Variants in PDE8B observed in about 807,000 individuals in gnomAD.
The protein encoded by PDE8B is phosphodiesterase 8B.
In PDE8B, 26 loss-of-function variants were observed where a neutral mutation model predicts 101.3. The observed-to-expected ratio is 0.26, with a 90% confidence interval of 0.19 to 0.36. PDE8B has a LOEUF of 0.36. Among genes scored for constraint, PDE8B ranks in the 10% least tolerant of loss-of-function variants. PDE8B has a pLI of 1.00. For missense variants in PDE8B, 810 were observed against 1,163.1 expected, an observed-to-expected ratio of 0.70 and a Z score of 4.42; for synonymous variants, 424 against 429.3, an observed-to-expected ratio of 0.99 and a Z score of 0.15.
At chr5:77,168,269 G>C in the PDE8B span, among the ~76,000 whole-genome samples, 1 of 152,230 alleles carries the variant, frequency 6.6e-6, no homozygotes, top group African/African-American at 2.4e-5. Context: ...TGAGAAGTCA[G>C]AGCTGGAAGC....
the PDE8B span, among the ~76,000 whole-genome samples, chr5:77,094,369 G>T: frequency 6.6e-6 from 1 of 152,092 alleles, no homozygotes; most frequent in Admixed American, 6.5e-5. Context: ...GGGTGCAGTT[G>T]TGTAATCATG....
In PDE8B at chr5:77,428,152, A is replaced by G. The variant is rs1798474038; in HGVS notation, c.*1598A>G. ...ATGCTATATTATGTAAATGTGATGA[A>G]AATGTTTTTGTGAAGTACTTGTAAC... On this transcript the variant is annotated 3_prime_UTR_variant, in exon 22 of 22. Coordinates refer to ENST00000264917, the MANE Select transcript of PDE8B (RefSeq NM_003719.5). 6.6e-6 allele frequency: 1 copy of G among 152,204 alleles called. No homozygotes were observed. The allele number at this position is 152,204 out of a possible 1,614,324, so 9.4% of individuals were successfully genotyped here. A position where few individuals can be genotyped will look rare whatever the true frequency, so the allele number is the denominator to read the frequency against.
the PDE8B span, among the ~76,000 whole-genome samples, chr5:77,125,600 A>G: frequency 8.4e-4 from 128 of 152,372 alleles, no homozygotes; most frequent in African/African-American, 1.7e-3. Context: ...ATACACATAC[A>G]ATGGAATATT....
rs1794028811 is a variant in PDE8B at position 77,408,971 on chromosome 5, T to G, written c.1444T>G (p.Leu482Val). ...AEALDRVLEI[L>V]RTTELYSPQL... is the part of the protein sequence containing the mutation. ...AGCCTTGGACAGAGTTCTAGAGATTTTACGGACCACAGAACTGTACTCCCC... is the reference window on the plus strand; with the variant it reads ...AGCCTTGGACAGAGTTCTAGAGATTGTACGGACCACAGAACTGTACTCCCC... The change falls in exon 14 of 22, where the codon TTA becomes GTA. Residue 482 changes from leucine to valine, a missense_variant. By Grantham distance (32) the Leu-to-Val change is conservative (BLOSUM62 1). Coordinates refer to ENST00000264917, the MANE Select transcript of PDE8B (RefSeq NM_003719.5). The G allele has an allele frequency of 3.7e-6, 6 of 1,613,074 alleles. No homozygotes were observed. The highest frequency in any genetic ancestry group is 4.2e-6 in the Non-Finnish European group (5 of 1,179,084).
At chr5:77,276,107 A>G (rs1215996525) in intron 1 of PDE8B, among the ~76,000 whole-genome samples, 1 of 152,238 alleles carries the variant, frequency 6.6e-6, no homozygotes, top group Non-Finnish European at 1.5e-5. Flanking sequence ...CTTTAGAAGA[A>G]CTTAGTACAA....
rs1254381323 is a variant in PDE8B at position 77,210,714 on chromosome 5, G to A, written c.-212G>A. ...CGCTCCCCCGCTCGGGGAGGAAGAT[G>A]GCCCAAAAGGGAAAGTTGGGGTGAC... On this transcript the variant is annotated 5_prime_UTR_variant, in exon 1 of 22. The change abolishes an upstream ATG in the 5' untranslated region. Transcript: ENST00000264917. The surrounding 1 kb of genome is among the most constrained non-coding windows in gnomAD (Gnocchi z 4.9). 1 of 980,886 alleles carries A rather than the reference G, an allele frequency of 1.0e-6. No homozygotes were observed. The highest frequency in any genetic ancestry group is 1.2e-4 in the East Asian group (1 of 8,674). The allele number at this position is 980,886 out of a possible 1,614,324, so 60.8% of individuals were successfully genotyped here.
At chr5:77,351,219 C>A in intron 9 of PDE8B, 66 bp downstream of exon 9, 1 of 1,137,292 alleles carries the variant, frequency 8.8e-7, no homozygotes, top group Non-Finnish European at 1.3e-6. Context: ...GGGCATTGGG[C>A]TTGAAATGCC....
chr5:77,101,043 C>G, the PDE8B span, among the ~76,000 whole-genome samples: 9 of 147,912 alleles, frequency 6.1e-5, no homozygotes, highest in African/African-American at 2.3e-4. Context: ...AATCATAGCC[C>G]ATTGCAGCCT....
rs1234322626 is a variant in PDE8B, at chr5:77,259,066, A to AC, written c.339+47803dup. On this transcript the variant is annotated intron_variant, in intron 1 of 21. Coordinates refer to ENST00000264917, the MANE Select transcript of PDE8B (RefSeq NM_003719.5). ...CACACACAGACACACACACACACAC[A>AC]CACCCCCGCCCCCCCCCCACACACA... Among the ~76,000 whole-genome samples the AC allele has an allele frequency of 7.0e-4, 45 of 64,742 alleles. 4 individuals are homozygous for AC. The highest frequency in any genetic ancestry group is 7.5e-4 in the Non-Finnish European group (24 of 32,084). The allele number at this position is 64,742 out of a possible 152,430, so 42.5% of individuals were successfully genotyped here. A position where few individuals can be genotyped will look rare whatever the true frequency, so the allele number is the denominator to read the frequency against.
intron 1 of PDE8B, among the ~76,000 whole-genome samples, chr5:77,266,916 G>A (rs897077911): frequency 7.9e-5 from 12 of 151,790 alleles, no homozygotes; most frequent in East Asian, 1.9e-4. Context: ...ATATTATTAG[G>A]TGTTGAACTG....
rs1379553543 is a variant in PDE8B, at chr5:77,349,528, A to G, written c.986A>G (p.Asp329Gly). 1.2e-6 allele frequency: 2 copies of G among 1,614,090 alleles called. No homozygotes were observed. The highest frequency in any genetic ancestry group is 2.7e-5 in the African/African-American group (2 of 74,922). The change falls in exon 8 of 22, where the codon GAC becomes GGC. Residue 329 changes from aspartate to glycine, a missense_variant. By Grantham distance (94) the Asp-to-Gly change is moderately conservative. This residue lies in a region of PDE8B where 251 missense variants were observed against 378.8 expected (regional missense o/e 0.66). Coordinates refer to ENST00000264917, the MANE Select transcript of PDE8B (RefSeq NM_003719.5). ...KSDKNRADLLDTINTCIKKGK... is the reference protein window; with the variant it reads ...KSDKNRADLLGTINTCIKKGK... ...GATAAGAACCGGGCAGACCTTCTCG[A>G]CACCATCAATACATGCATCAAGAAG...
chr5:77,197,853 T>A, the PDE8B span, among the ~76,000 whole-genome samples: 1 of 151,130 alleles, frequency 6.6e-6, no homozygotes, highest in Non-Finnish European at 1.5e-5. Flanking sequence ...GATTCTTTTT[T>A]AATATTTTCC....
chr5:77,388,728 C>G (rs1554095829), intron 10 of PDE8B, among the ~76,000 whole-genome samples: 1 of 152,176 alleles, frequency 6.6e-6, no homozygotes, highest in Non-Finnish European at 1.5e-5. Context: ...ATCTATAAGT[C>G]CCTGACTGGG....
intron 17 of PDE8B, among the ~76,000 whole-genome samples, chr5:77,416,429 G>A (rs1436772972): frequency 3.9e-5 from 6 of 152,180 alleles, no homozygotes; most frequent in Admixed American, 3.9e-4. Flanking sequence ...GGGCTGTCCT[G>A]GGTCCTGAGC....
chr5:77,270,174 T>C (rs1270269631), intron 1 of PDE8B, among the ~76,000 whole-genome samples: 1 of 152,218 alleles, frequency 6.6e-6, no homozygotes, highest in Non-Finnish European at 1.5e-5. Context: ...GTTTTAATTG[T>C]AGAGATCTTT....
chr5:77,297,965 G>A (rs1768975018), intron 1 of PDE8B, among the ~76,000 whole-genome samples: 1 of 152,138 alleles, frequency 6.6e-6, no homozygotes, highest in Non-Finnish European at 1.5e-5. Context: ...CTCCCACTCT[G>A]CTCCCCACTC....
intron 1 of PDE8B, among the ~76,000 whole-genome samples, chr5:77,216,924 A>G (rs1472460819): frequency 2.6e-5 from 4 of 152,200 alleles, no homozygotes; most frequent in Admixed American, 1.3e-4. Context: ...GTAACAGGCA[A>G]TAAGAGATGT....
chr5:77,357,264 A>C (rs1237833574), intron 10 of PDE8B, among the ~76,000 whole-genome samples: 3 of 152,190 alleles, frequency 2.0e-5, no homozygotes, highest in Non-Finnish European at 4.4e-5. Flanking sequence ...GCCAGTGGAC[A>C]GTTAGGCACA....
At chr5:77,233,334 C>G (rs1753969243) in intron 1 of PDE8B, among the ~76,000 whole-genome samples, 1 of 152,118 alleles carries the variant, frequency 6.6e-6, no homozygotes, top group Non-Finnish European at 1.5e-5. Flanking sequence ...CTGGGCTAAG[C>G]AGTCCTACAT....
Sources: gnomAD v4.1 joint callset for allele counts (sites outside exome capture counted in the v4.1 genomes callset) on GRCh38, gnomAD v4.1.1 for gene constraint, gnomAD v4.1.1 regional missense constraint, Gnocchi (gnomAD v3.1) non-coding constraint, MANE v1.5 for transcripts, NCBI Gene and HGNC (gene_info 2026-07-23, HGNC 2026-07-21) for gene names.